CRYGN: variants seen among roughly 807,000 people sequenced by gnomAD.
CRYGN encodes the protein crystallin gamma N.
Under a neutral mutation model 19.2 loss-of-function variants are expected in CRYGN, and 17 were observed. That is an observed-to-expected ratio of 0.89 (90% CI 0.61 to 1.33). The LOEUF is 1.33. Ranked by LOEUF, CRYGN falls within the 40% of genes most tolerant of loss-of-function variation. CRYGN has a pLI of 0.00. For synonymous variants in CRYGN, 84 were observed against 85.8 expected (o/e 0.98, Z 0.12); for missense variants, 239 against 239.6 (o/e 1.00, Z 0.02).
At position 151,433,019 on chromosome 7, in the gene CRYGN, C is replaced by T. The variant is rs1312437230; in HGVS notation, c.417-2839G>A. 6.6e-6 allele frequency among the ~76,000 whole-genome samples: 1 copy of T among 152,228 alleles called. No homozygotes were observed. Among genetic ancestry groups the T allele is most frequent in the Non-Finnish European group, 1.5e-5 (1 of 68,040 alleles). On this transcript the variant is annotated intron_variant, in intron 3 of 3. Coordinates refer to ENST00000337323, the MANE Select transcript of CRYGN (RefSeq NM_144727.3). The surrounding 1 kb of genome is among the most constrained non-coding windows in gnomAD (Gnocchi z 5.1). ...CCCCTCCTGCCCTCACGGGGCCTCC[C>T]CTGCAGAGGAAATGGGCTGTGGGGG...
At position 151,431,281 on chromosome 7, in the gene CRYGN, C is replaced by T. The variant is rs1173633485; in HGVS notation, c.417-1101G>A. Reference sequence around the variant, plus strand: ...TGGGTGGGGAGGGAGTGGGGGGATGCTTTTGGGGACGTGGACCTCTTATGC... The same window carrying T: ...TGGGTGGGGAGGGAGTGGGGGGATGTTTTTGGGGACGTGGACCTCTTATGC... On this transcript the variant is annotated intron_variant, in intron 3 of 3. Transcript: ENST00000337323. The surrounding 1 kb of genome is among the most constrained non-coding windows in gnomAD (Gnocchi z 4.8). Among the ~76,000 whole-genome samples, 3 of 152,112 alleles carry T rather than the reference C, an allele frequency of 2.0e-5. No homozygotes were observed. In the East Asian group the frequency reaches 5.8e-4, roughly 29 times the overall value.
chr7:151,432,663 G>A (rs908340758), intron 3 of CRYGN, among the ~76,000 whole-genome samples: 3 of 152,330 alleles, frequency 2.0e-5, no homozygotes, highest in Non-Finnish European at 4.4e-5. Context: ...AATTAGCTGG[G>A]TGTGGTGGTG....
In CRYGN at chr7:151,436,696, C is replaced by T. The variant is rs775156906; in HGVS notation, c.271-371G>A. The T allele has an allele frequency of 1.2e-4, 19 of 161,864 alleles. No homozygotes were observed. Among genetic ancestry groups the T allele is most frequent in the Non-Finnish European group, 2.4e-4 (18 of 74,798 alleles). 10.0% of individuals were successfully genotyped at this position (161,864 alleles called of 1,614,324 possible). Reference sequence around the variant, plus strand: ...GGGACTCCGGCCCTGATCACAGCCACACACTCCGGGTTCTGACTTCCCCAC... The same window carrying T: ...GGGACTCCGGCCCTGATCACAGCCATACACTCCGGGTTCTGACTTCCCCAC... On this transcript the variant is annotated intron_variant, in intron 2 of 3. Coordinates refer to ENST00000337323, the MANE Select transcript of CRYGN (RefSeq NM_144727.3). The surrounding 1 kb of genome is among the most constrained non-coding windows in gnomAD (Gnocchi z 5.1).
In CRYGN at chr7:151,429,980, A is replaced by C. The variant is rs187273825; in HGVS notation, c.*68T>G. 2.6e-4 allele frequency: 208 copies of C among 788,844 alleles called. 1 individual carries two copies. The African/African-American group carries it at 2.7e-3, about 10-fold the overall frequency. 48.9% of individuals were successfully genotyped at this position (788,844 alleles called of 1,614,324 possible). A position where few individuals can be genotyped will look rare whatever the true frequency, so the allele number is the denominator to read the frequency against. On this transcript the variant is annotated 3_prime_UTR_variant, in exon 4 of 4. Coordinates refer to ENST00000337323, the MANE Select transcript of CRYGN (RefSeq NM_144727.3). ...CAGAGAAATGAAAACTGAGGGCATG[A>C]TTTTAAGTAAACACTCTCCCGGCTC...
intron 1 of CRYGN, among the ~76,000 whole-genome samples, chr7:151,439,379 G>C (rs756193060): frequency 2.0e-4 from 31 of 152,182 alleles, no homozygotes; most frequent in Non-Finnish European, 3.5e-4. Context: ...GGGCGAGGGA[G>C]AGCCAGGTCT....
chr7:151,438,532 C>T (rs1484538313), intron 1 of CRYGN, among the ~76,000 whole-genome samples: 1 of 152,206 alleles, frequency 6.6e-6, no homozygotes, highest in Non-Finnish European at 1.5e-5. Context: ...TCCCCTTTGT[C>T]TAGGTGCCCA....
Position 151,429,761 on chromosome 7 carries a change from T to C in CRYGN, c.*287A>G. 2.1e-6 allele frequency: 1 copy of C among 482,196 alleles called. No individual in the cohort carries two copies. The allele number at this position is 482,196 out of a possible 1,614,324, so 29.9% of individuals were successfully genotyped here. A position where few individuals can be genotyped will look rare whatever the true frequency, so the allele number is the denominator to read the frequency against. On this transcript the variant is annotated 3_prime_UTR_variant, in exon 4 of 4. Transcript: ENST00000337323. ...GCTCCATAAATATTCATCAACATCATCACCATCATCAGCTGTGGGCTGAGG... is the reference window on the plus strand; with the variant it reads ...GCTCCATAAATATTCATCAACATCACCACCATCATCAGCTGTGGGCTGAGG...
In CRYGN at chr7:151,439,844, G is replaced by A. The variant is rs1801716824; in HGVS notation, c.21+53C>T. The A allele has an allele frequency of 2.6e-6, 4 of 1,529,042 alleles. No individual in the cohort carries two copies. The Admixed American group carries it at 8.0e-5, about 31-fold the overall frequency. 94.7% of individuals were successfully genotyped at this position (1,529,042 alleles called of 1,614,324 possible). A position where few individuals can be genotyped will look rare whatever the true frequency, so the allele number is the denominator to read the frequency against. ...CACCCTCCTGCATCCCCTAGCACAGGGGGCGAAGGCGGAGCCCCACTCGGT... is the reference window on the plus strand; with the variant it reads ...CACCCTCCTGCATCCCCTAGCACAGAGGGCGAAGGCGGAGCCCCACTCGGT... On this transcript the variant is annotated intron_variant, in intron 1 of 3. Coordinates refer to ENST00000337323, the MANE Select transcript of CRYGN (RefSeq NM_144727.3).
rs1001886775 is a variant in CRYGN at position 151,435,507 on chromosome 7, G to A, written c.416+673C>T. On this transcript the variant is annotated intron_variant, in intron 3 of 3. Transcript: ENST00000337323. The surrounding 1 kb of genome is among the most constrained non-coding windows in gnomAD (Gnocchi z 4.2). ...AAAAGGGGAGTGTGCGGGAGGGCAGGAGGGGGCACACAGGCTGCCCTTGGT... is the reference window on the plus strand; with the variant it reads ...AAAAGGGGAGTGTGCGGGAGGGCAGAAGGGGGCACACAGGCTGCCCTTGGT... Among the ~76,000 whole-genome samples, 3 of 152,178 alleles carry A rather than the reference G, an allele frequency of 2.0e-5. No individual in the cohort carries two copies. The highest frequency in any genetic ancestry group is 6.5e-5 in the Admixed American group (1 of 15,276).
rs530865734 is a variant in CRYGN, at chr7:151,435,497, G to A, written c.416+683C>T. Among the ~76,000 whole-genome samples, 74 of 152,286 alleles carry A rather than the reference G, an allele frequency of 4.9e-4. No individual in the cohort carries two copies. The highest frequency in any genetic ancestry group is 2.0e-3 in the Admixed American group (30 of 15,294). On this transcript the variant is annotated intron_variant, in intron 3 of 3. Coordinates refer to ENST00000337323, the MANE Select transcript of CRYGN (RefSeq NM_144727.3). This position sits in a 1 kb window ranked among gnomAD's most constrained non-coding sequence, Gnocchi z 4.2. ...GGATAGTTGCAAAAGGGGAGTGTGCGGGAGGGCAGGAGGGGGCACACAGGC... is the reference window on the plus strand; with the variant it reads ...GGATAGTTGCAAAAGGGGAGTGTGCAGGAGGGCAGGAGGGGGCACACAGGC...
At chr7:151,434,714 C>T (rs1801556224) in intron 3 of CRYGN, among the ~76,000 whole-genome samples, 1 of 152,222 alleles carries the variant, frequency 6.6e-6, no homozygotes, top group Non-Finnish European at 1.5e-5. Flanking sequence ...CCTCACTTAA[C>T]ACCGTCAGTA....
rs1239128440 is a variant in CRYGN, at chr7:151,429,420, C to T, written c.*628G>A. 6.3e-6 allele frequency: 1 copy of T among 159,634 alleles called. No homozygotes were observed. The highest frequency in any genetic ancestry group is 1.4e-5 in the Non-Finnish European group (1 of 71,882). The allele number at this position is 159,634 out of a possible 1,614,324, so 9.9% of individuals were successfully genotyped here. On this transcript the variant is annotated 3_prime_UTR_variant, in exon 4 of 4. Transcript: ENST00000337323. Reference sequence around the variant, plus strand: ...ACAGTTGGTACAGCAGACATGATTGCACTCATTTCACAGAACAGGGTCTGA... The same window carrying T: ...ACAGTTGGTACAGCAGACATGATTGTACTCATTTCACAGAACAGGGTCTGA...
At position 151,435,902 on chromosome 7, in the gene CRYGN, G is replaced by C. The variant is rs951182017; in HGVS notation, c.416+278C>G. Among the ~76,000 whole-genome samples, 1 of 152,176 alleles carries C rather than the reference G, an allele frequency of 6.6e-6. No homozygotes were observed. Among genetic ancestry groups the C allele is most frequent in the Non-Finnish European group, 1.5e-5 (1 of 68,030 alleles). ...AAGGTACTCTCCTACCTCTGCTCCT[G>C]GACTGAGGCCCTAGAGGGAAGGTCT... On this transcript the variant is annotated intron_variant, in intron 3 of 3. Coordinates refer to ENST00000337323, the MANE Select transcript of CRYGN (RefSeq NM_144727.3). The surrounding 1 kb of genome is among the most constrained non-coding windows in gnomAD (Gnocchi z 4.2).
rs1433268869 is a variant in CRYGN at position 151,436,836 on chromosome 7, C to T, written c.271-511G>A. 1.3e-5 allele frequency: 2 copies of T among 152,240 alleles called. No homozygotes were observed. Among genetic ancestry groups the T allele is most frequent in the Non-Finnish European group, 2.9e-5 (2 of 68,066 alleles). 9.4% of individuals were successfully genotyped at this position (152,240 alleles called of 1,614,324 possible). A position where few individuals can be genotyped will look rare whatever the true frequency, so the allele number is the denominator to read the frequency against. On this transcript the variant is annotated intron_variant, in intron 2 of 3. Coordinates refer to ENST00000337323, the MANE Select transcript of CRYGN (RefSeq NM_144727.3). The surrounding 1 kb of genome is among the most constrained non-coding windows in gnomAD (Gnocchi z 5.1). The stretch of plus-strand genomic sequence containing the variant: ...TAAAACAAATACCAGATCTCATGTG[C>T]TGAAACCCCTGCTGGCCTTGACATC...
chr7:151,434,721 A>T (rs1466411251), intron 3 of CRYGN, among the ~76,000 whole-genome samples: 1 of 152,248 alleles, frequency 6.6e-6, no homozygotes, highest in African/African-American at 2.4e-5. Context: ...TAACACCGTC[A>T]GTAAGTTCTT....
Position 151,440,113 on chromosome 7 carries a change from C to T in CRYGN, c.-196G>A. On this transcript the variant is annotated 5_prime_UTR_variant, in exon 1 of 4. Transcript: ENST00000337323. The stretch of plus-strand genomic sequence containing the variant: ...GCCACCGCGAGTGCAGCCCGCCCTG[C>T]CCGGGGTCTCCCTGTGCTCTCCGCG... 1 of 1,360,548 alleles carries T rather than the reference C, an allele frequency of 7.3e-7. No individual in the cohort carries two copies. Among genetic ancestry groups the T allele is most frequent in the Non-Finnish European group, 9.4e-7 (1 of 1,061,338 alleles). 84.3% of individuals were successfully genotyped at this position (1,360,548 alleles called of 1,614,324 possible). A position where few individuals can be genotyped will look rare whatever the true frequency, so the allele number is the denominator to read the frequency against.
At position 151,430,569 on chromosome 7, in the gene CRYGN, CCT is replaced by C. The variant is rs1224549984; in HGVS notation, c.417-391_417-390del. 3.3e-5 allele frequency among the ~76,000 whole-genome samples: 5 copies of C among 152,162 alleles called. No homozygotes were observed. Among genetic ancestry groups the C allele is most frequent in the Non-Finnish European group, 5.9e-5 (4 of 68,026 alleles). ...ACCACACTGTGCGACAGAATCAGCC[CCT>C]GAGATTTTGTTTTTCTCTCGGGAAC... is the stretch of plus-strand genomic sequence containing the variant. On this transcript the variant is annotated intron_variant, in intron 3 of 3. Transcript: ENST00000337323. The surrounding 1 kb of genome is among the most constrained non-coding windows in gnomAD (Gnocchi z 5.2).
intron 1 of CRYGN, 99 bp from the exon 2 acceptor site, chr7:151,438,343 TC>T (rs889744449): frequency 2.3e-6 from 3 of 1,284,600 alleles, no homozygotes; most frequent in African/African-American, 3.0e-5. Context: ...GAACCCCTAC[TC>T]CCAGGCCCCC....
intron 3 of CRYGN, chr7:151,432,093 C>T (rs912264019): frequency 5.3e-5 from 48 of 900,116 alleles, no homozygotes; most frequent in Admixed American, 3.0e-4. Flanking sequence ...GGTGGGACCG[C>T]AAGGGGTTGC....
Sources: gnomAD v4.1 joint callset for allele counts (sites outside exome capture counted in the v4.1 genomes callset) on GRCh38, gnomAD v4.1.1 for gene constraint, Gnocchi (gnomAD v3.1) non-coding constraint, MANE v1.5 for transcripts, NCBI Gene and HGNC (gene_info 2026-07-23, HGNC 2026-07-21) for gene names.